MACROH2A1: variants seen among roughly 807,000 people sequenced by gnomAD.
MACROH2A1 encodes the protein macroH2A.1 histone, also known as core histone macro-H2A.1.
A neutral mutation model predicts 31.6 loss-of-function variants in MACROH2A1; 2 were observed. That is an observed-to-expected ratio of 0.06 (90% confidence interval 0.03 to 0.20). The LOEUF (loss-of-function observed/expected upper bound fraction) is 0.20. Among genes scored for constraint, MACROH2A1 ranks in the 10% least tolerant of loss-of-function variants. MACROH2A1 has a pLI of 1.00. For missense variants in MACROH2A1, 230 were observed against 474.0 expected (o/e 0.49, Z 4.78); for synonymous variants, 169 against 189.6 (o/e 0.89, Z 0.89).
At chr5:135,372,564 C>T (rs1764304816) in intron 2 of MACROH2A1, among the ~76,000 whole-genome samples, 1 of 152,246 alleles carries the variant, frequency 6.6e-6, no homozygotes, top group South Asian at 2.1e-4. Flanking sequence ...GCCTGTGATG[C>T]CTATGTGACC....
At chr5:135,372,266 C>T (rs537375671) in intron 2 of MACROH2A1, among the ~76,000 whole-genome samples, 1 of 152,304 alleles carries the variant, frequency 6.6e-6, no homozygotes, top group East Asian at 1.9e-4. Context: ...GCCACAGGGT[C>T]CCTTACCTGG....
intron 2 of MACROH2A1, among the ~76,000 whole-genome samples, chr5:135,384,222 C>T (rs1309787077): frequency 6.6e-6 from 1 of 152,134 alleles, no homozygotes; most frequent in Non-Finnish European, 1.5e-5. Flanking sequence ...CTCTCTCTAC[C>T]CACTTCTAGG....
In MACROH2A1 at chr5:135,369,688, T is replaced by C; in HGVS notation, c.280-85A>G. 1 of 1,113,970 alleles carries C rather than the reference T, an allele frequency of 9.0e-7. No individual in the cohort carries two copies. The highest frequency in any genetic ancestry group is 1.8e-5 in the Admixed American group (1 of 55,114). 69.0% of individuals were successfully genotyped at this position (1,113,970 alleles called of 1,614,324 possible). A position where few individuals can be genotyped will look rare whatever the true frequency, so the allele number is the denominator to read the frequency against. On this transcript the variant is annotated intron_variant, in intron 3 of 8. Transcript: ENST00000511689. This position sits in a 1 kb window ranked among gnomAD's most constrained non-coding sequence, Gnocchi z 4.3. ...AAGCCAGCCCTGCCCAGGACAGTCT[T>C]GCTTTGGGTTGGTGCAGCTCCTTCC...
intron 2 of MACROH2A1, among the ~76,000 whole-genome samples, chr5:135,383,611 T>G (rs1288147398): frequency 6.6e-6 from 1 of 152,168 alleles, no homozygotes; most frequent in African/African-American, 2.4e-5. Flanking sequence ...TTCTTAATTT[T>G]AATTTAAGAA....
Position 135,334,912 on chromosome 5 carries a change from A to ATTTTTTT in MACROH2A1, c.*57_*63dup. ...CCACCTCCCAGTAGGAGTGAAGGGG[A>ATTTTTTT]TTTTTTTTTTCTTTTAAACTGAAGG... On this transcript the variant is annotated 3_prime_UTR_variant, in exon 9 of 9. Coordinates refer to ENST00000511689, the MANE Select transcript of MACROH2A1 (RefSeq NM_138610.3). 2 of 1,322,028 alleles carry ATTTTTTT rather than the reference A, an allele frequency of 1.5e-6. No individual in the cohort carries two copies. The highest frequency in any genetic ancestry group is 1.5e-5 in the African/African-American group (1 of 67,726). 81.9% of individuals were successfully genotyped at this position (1,322,028 alleles called of 1,614,324 possible). A position where few individuals can be genotyped will look rare whatever the true frequency, so the allele number is the denominator to read the frequency against.
chr5:135,383,633 T>G (rs895995689), intron 2 of MACROH2A1, among the ~76,000 whole-genome samples: 3 of 151,988 alleles, frequency 2.0e-5, no homozygotes, highest in Non-Finnish European at 4.4e-5. Context: ...TCAGATAAAA[T>G]TCTTTAAGAA....
At position 135,334,908 on chromosome 5, in the gene MACROH2A1, G is replaced by T; in HGVS notation, c.*68C>A. 7.3e-7 allele frequency: 1 copy of T among 1,373,850 alleles called. No individual in the cohort carries two copies. Among genetic ancestry groups the T allele is most frequent in the Admixed American group, 1.9e-5 (1 of 52,016 alleles). The allele number at this position is 1,373,850 out of a possible 1,614,324, so 85.1% of individuals were successfully genotyped here. A position where few individuals can be genotyped will look rare whatever the true frequency, so the allele number is the denominator to read the frequency against. ...GGTCCCACCTCCCAGTAGGAGTGAA[G>T]GGGATTTTTTTTTTCTTTTAAACTG... On this transcript the variant is annotated 3_prime_UTR_variant, in exon 9 of 9. Transcript: ENST00000511689.
chr5:135,366,946 CT>C (rs1763580008), intron 4 of MACROH2A1, among the ~76,000 whole-genome samples: 1 of 152,298 alleles, frequency 6.6e-6, no homozygotes, highest in South Asian at 2.1e-4. Flanking sequence ...CACCCAGCCC[CT>C]GGTGCAGTTT....
rs1310053325 is a variant in MACROH2A1, at chr5:135,343,412, G to C, written c.801C>G (p.Gly267=). The C allele has an allele frequency of 6.2e-7, 1 of 1,614,186 alleles. No individual in the cohort carries two copies. The highest frequency in any genetic ancestry group is 8.5e-7 in the Non-Finnish European group (1 of 1,180,032). ...AGTGGATCACAAACTTGGCAGGCAG[G>C]CCATGGCCTGCGCTGACAGCAGCTA... ...VAGAAVSAGH[G]LPAKFVIHCN... The change falls in exon 8 of 9, where the codon GGC becomes GGG. Residue 267 remains glycine (G), a synonymous_variant. Coordinates refer to ENST00000511689, the MANE Select transcript of MACROH2A1 (RefSeq NM_138610.3).
rs571033940 is a variant in MACROH2A1 at position 135,359,286 on chromosome 5, G to A, written c.588+1211C>T. ...AATGGAAGTAATGTGGATGGGTCACGTTAACTTTCAATACATTACCCAAGG... is the reference window on the plus strand; with the variant it reads ...AATGGAAGTAATGTGGATGGGTCACATTAACTTTCAATACATTACCCAAGG... On this transcript the variant is annotated intron_variant, in intron 5 of 8. Coordinates refer to ENST00000511689, the MANE Select transcript of MACROH2A1 (RefSeq NM_138610.3). 6.5e-5 allele frequency: 64 copies of A among 985,308 alleles called. No homozygotes were observed. The African/African-American group carries it at 8.9e-4, about 14-fold the overall frequency. 61.0% of individuals were successfully genotyped at this position (985,308 alleles called of 1,614,324 possible).
chr5:135,379,177 G>A (rs970881017), intron 2 of MACROH2A1, among the ~76,000 whole-genome samples: 21 of 152,306 alleles, frequency 1.4e-4, no homozygotes, highest in African/African-American at 3.6e-4. Context: ...TGCAGGGAAC[G>A]CGCCTTCTAT....
chr5:135,334,804 C>T lies in MACROH2A1; in HGVS notation c.*172G>A, dbSNP rs1365972623. 1.7e-6 allele frequency: 1 copy of T among 604,902 alleles called. No individual in the cohort carries two copies. The highest frequency in any genetic ancestry group is 1.8e-5 in the African/African-American group (1 of 54,222). The allele number at this position is 604,902 out of a possible 1,614,324, so 37.5% of individuals were successfully genotyped here. ...CCAACTATCAGTGCTAACATAAAAA[C>T]ATTTTAGAAGGTCAAAAACAATTAA... On this transcript the variant is annotated 3_prime_UTR_variant, in exon 9 of 9. Coordinates refer to ENST00000511689, the MANE Select transcript of MACROH2A1 (RefSeq NM_138610.3).
chr5:135,357,945 C>G, intron 5 of MACROH2A1: 2 of 985,300 alleles, frequency 2.0e-6, no homozygotes, highest in Non-Finnish European at 2.4e-6. Flanking sequence ...TTTCTCCACC[C>G]CAGCTTGCTT....
chr5:135,355,212 T>C (rs1303077470), intron 5 of MACROH2A1: 2 of 455,930 alleles, frequency 4.4e-6, no homozygotes, highest in African/African-American at 4.0e-5. Flanking sequence ...TGGGGGAAAC[T>C]TGGATTTGCT....
chr5:135,354,410 GTTTTGTCAA>G (rs1359116445), intron 5 of MACROH2A1: 1 of 152,364 alleles, frequency 6.6e-6, no homozygotes, highest in Non-Finnish European at 1.5e-5. Flanking sequence ...GTGGAATTAA[GTTTTGTCAA>G]ACAGCCAAGG....
At chr5:135,397,388 G>C (rs372756521) in intron 1 of MACROH2A1, among the ~76,000 whole-genome samples, 11 of 152,174 alleles carry the variant, frequency 7.2e-5, no homozygotes, top group Non-Finnish European at 1.6e-4. Flanking sequence ...CACATGTGAA[G>C]TTCCAGACAA....
chr5:135,379,168 G>T (rs968833690), intron 2 of MACROH2A1, among the ~76,000 whole-genome samples: 1 of 152,192 alleles, frequency 6.6e-6, no homozygotes, highest in African/African-American at 2.4e-5. Context: ...CCACAGCTCT[G>T]CAGGGAACGC....
At chr5:135,386,549 A>G (rs1487738955) in intron 2 of MACROH2A1, among the ~76,000 whole-genome samples, 1 of 152,160 alleles carries the variant, frequency 6.6e-6, no homozygotes, top group Non-Finnish European at 1.5e-5. Context: ...AGTGATAGTG[A>G]TGGGCTCTCC....
At chr5:135,337,950 G>A in intron 8 of MACROH2A1, 1 of 1,199,120 alleles carries the variant, frequency 8.3e-7, no homozygotes, top group Non-Finnish European at 1.1e-6. Context: ...GCCTAAGGAA[G>A]AAACCCTGCT....
Sources: gnomAD v4.1 joint callset for allele counts (sites outside exome capture counted in the v4.1 genomes callset) on GRCh38, gnomAD v4.1.1 for gene constraint, Gnocchi (gnomAD v3.1) non-coding constraint, MANE v1.5 for transcripts, NCBI Gene and HGNC (gene_info 2026-07-23, HGNC 2026-07-21) for gene names.